The following KDM2B variants were observed in gnomAD, a reference collection of about 807,000 sequenced individuals.
KDM2B encodes lysine demethylase 2B.
KDM2B carries 26 observed loss-of-function variants against 150.0 expected under a neutral mutation model. The observed-to-expected ratio is 0.17, with a 90% CI of 0.13 to 0.24. The LOEUF is 0.24. Among genes scored for constraint, KDM2B ranks in the 10% least tolerant of loss-of-function variants. The pLI is 1.00. For synonymous variants in KDM2B, 734 were observed against 729.5 expected, an observed-to-expected ratio of 1.01 and a Z score of -0.10; for missense variants, 1,265 against 1,816.9, an observed-to-expected ratio of 0.70 and a Z score of 5.52.
chr12:121,568,746 G>T (rs902517948), intron 4 of KDM2B, among the ~76,000 whole-genome samples: 1 of 151,496 alleles, frequency 6.6e-6, no homozygotes, highest in Admixed American at 6.6e-5. Context: ...TGTTCAGTTT[G>T]TTAAAATTAA....
At chr12:121,576,335 G>T (rs1891489408) in intron 2 of KDM2B, among the ~76,000 whole-genome samples, 1 of 152,178 alleles carries the variant, frequency 6.6e-6, no homozygotes, top group Non-Finnish European at 1.5e-5. Flanking sequence ...CATTGTAGCT[G>T]AGCATCAGTG....
chr12:121,570,343 C>A (rs752410266), intron 4 of KDM2B, among the ~76,000 whole-genome samples: 1 of 152,080 alleles, frequency 6.6e-6, no homozygotes, highest in African/African-American at 2.4e-5. Flanking sequence ...TGAGCCACTG[C>A]GCCTGGCCAT....
intron 8 of KDM2B, among the ~76,000 whole-genome samples, chr12:121,522,528 A>G (rs1304206482): frequency 3.4e-5 from 5 of 147,834 alleles, no homozygotes; most frequent in Non-Finnish European, 1.5e-5. Context: ...AAAAAAAAAA[A>G]AAGTATATAC....
chr12:121,514,621 G>A (rs1885877733), intron 9 of KDM2B, among the ~76,000 whole-genome samples: 3 of 151,598 alleles, frequency 2.0e-5, no homozygotes, highest in South Asian at 2.1e-4. Context: ...CTGCGGGGAC[G>A]AGAAAGCCCT....
At chr12:121,553,133 G>C (rs1555312099) in intron 4 of KDM2B, among the ~76,000 whole-genome samples, 1 of 151,962 alleles carries the variant, frequency 6.6e-6, no homozygotes. Context: ...TTGGGAGGCT[G>C]AGTCAGGAGA....
Position 121,549,523 on chromosome 12 carries a change from G to A in KDM2B, c.513C>T (p.Tyr171=), listed in dbSNP as rs782559158. ...GGCTGAACTCTAGGCTGATGACGTT[G>A]TACAGCTTGTCCCGCTGGGCCTCGG... is the stretch of plus-strand genomic sequence containing the variant. ...ETPEAQRDKL[Y]NVISLEFSHT... Residue 171 remains tyrosine (Y), a synonymous_variant, in exon 5 of 23, where the codon TAC becomes TAT. Transcript: ENST00000377071. The surrounding 1 kb of genome is among the most constrained non-coding windows in gnomAD (Gnocchi z 4.4). 1 of 1,613,680 alleles carries A rather than the reference G, an allele frequency of 6.2e-7. No homozygotes were observed. Among genetic ancestry groups the A allele is most frequent in the South Asian group, 1.1e-5 (1 of 91,052 alleles).
chr12:121,481,195 TG>T, intron 12 of KDM2B, among the ~76,000 whole-genome samples: 1 of 152,196 alleles, frequency 6.6e-6, no homozygotes, highest in East Asian at 1.9e-4. Flanking sequence ...CCTCCCAAAT[TG>T]TTGGGTGGTG....
the KDM2B span, among the ~76,000 whole-genome samples, chr12:121,414,411 G>C: frequency 6.6e-6 from 1 of 151,314 alleles, no homozygotes; most frequent in African/African-American, 2.4e-5. Context: ...GTATACTTGG[G>C]ACAAGCATGG....
intron 6 of KDM2B, 33 bp downstream of exon 6, chr12:121,548,844 T>C: frequency 6.4e-7 from 1 of 1,564,706 alleles, no homozygotes; most frequent in Non-Finnish European, 8.8e-7. Flanking sequence ...GGGTCAACCC[T>C]GCCAGCTCTG....
chr12:121,509,208 G>A (rs1885362848), intron 11 of KDM2B, among the ~76,000 whole-genome samples: 3 of 151,838 alleles, frequency 2.0e-5, no homozygotes, highest in South Asian at 2.1e-4. Flanking sequence ...ACAGGCATAC[G>A]CCACCAGGCA....
intron 13 of KDM2B, among the ~76,000 whole-genome samples, chr12:121,448,509 T>TGA (rs1163468489): frequency 1.3e-5 from 2 of 151,778 alleles, no homozygotes; most frequent in Non-Finnish European, 2.9e-5. Context: ...CCACGAAGTG[T>TGA]GAGAACTTGA....
intron 12 of KDM2B, among the ~76,000 whole-genome samples, chr12:121,491,508 T>C (rs1416805967): frequency 2.0e-5 from 3 of 152,024 alleles, no homozygotes; most frequent in African/African-American, 7.2e-5. Flanking sequence ...AATATTTATT[T>C]ATGACCGGGC....
Position 121,513,335 on chromosome 12 carries a change from T to G in KDM2B, c.1115A>C (p.Tyr372Ser), listed in dbSNP as rs1885753545. Residue 372 changes from tyrosine to serine, a missense_variant, in exon 10 of 23, where the codon TAC (tyrosine) becomes TCC (serine). Tyr to Ser is a moderately radical substitution (Grantham distance 144). Around this residue, in one of 11 missense-constraint regions of KDM2B, gnomAD observed 214 missense variants for 447.4 expected, o/e 0.48. Coordinates refer to ENST00000377071, the MANE Select transcript of KDM2B (RefSeq NM_032590.5). The surrounding 1 kb of genome is among the most constrained non-coding windows in gnomAD (Gnocchi z 5.0). ...GAGGTGGGAGCGCTGGGTCACACAG[T>G]ACACGTATCTCTCCAGGACATACCA... is the stretch of plus-strand genomic sequence containing the variant. ...MCWYVLERYV[Y>S]CVTQRSHLTQ... The G allele has an allele frequency of 6.2e-7, 1 of 1,613,628 alleles. No homozygotes were observed. Among genetic ancestry groups the G allele is most frequent in the Admixed American group, 1.7e-5 (1 of 60,002 alleles).
chr12:121,495,150 C>G (rs1417173960), intron 11 of KDM2B, among the ~76,000 whole-genome samples: 1 of 151,708 alleles, frequency 6.6e-6, no homozygotes, highest in Non-Finnish European at 1.5e-5. Context: ...GTGCATGGCA[C>G]CCTCCCTGGC....
chr12:121,541,090 G>A (rs1349651772), intron 6 of KDM2B, among the ~76,000 whole-genome samples: 1 of 152,064 alleles, frequency 6.6e-6, no homozygotes, highest in East Asian at 1.9e-4. Flanking sequence ...AAATTAGCCA[G>A]CCGTGGTGGC....
At chr12:121,547,273 C>A (rs945368620) in intron 6 of KDM2B, among the ~76,000 whole-genome samples, 1 of 152,204 alleles carries the variant, frequency 6.6e-6, no homozygotes, top group Non-Finnish European at 1.5e-5. Flanking sequence ...CTCCCCACCT[C>A]GAGCCCAGTC....
the KDM2B span, among the ~76,000 whole-genome samples, chr12:121,419,121 G>A: frequency 3.5e-4 from 53 of 152,282 alleles, no homozygotes; most frequent in East Asian, 9.3e-3. Flanking sequence ...CCACATACAC[G>A]GCAGTGGTTC....
rs781953275 is a variant in KDM2B at position 121,520,945 on chromosome 12, G to C, written c.1047+40C>G. ...ACACCGAGCACCGGCAGAGCTCAGG[G>C]GCCAGGCGCGCACGCGAGGACAGAA... On this transcript the variant is annotated intron_variant, in intron 9 of 22. Coordinates refer to ENST00000377071, the MANE Select transcript of KDM2B (RefSeq NM_032590.5). This position sits in a 1 kb window ranked among gnomAD's most constrained non-coding sequence, Gnocchi z 4.5. 10 of 1,512,078 alleles carry C rather than the reference G, an allele frequency of 6.6e-6. No homozygotes were observed. Among genetic ancestry groups the C allele is most frequent in the Non-Finnish European group, 9.2e-6 (10 of 1,088,400 alleles). 93.7% of individuals were successfully genotyped at this position (1,512,078 alleles called of 1,614,324 possible). A position where few individuals can be genotyped will look rare whatever the true frequency, so the allele number is the denominator to read the frequency against.
At chr12:121,454,764 T>C (rs1555292415) in intron 12 of KDM2B, among the ~76,000 whole-genome samples, 1 of 152,162 alleles carries the variant, frequency 6.6e-6, no homozygotes. Flanking sequence ...TCCCACCCTC[T>C]TCATTTCAGT....
Sources: allele counts gnomAD v4.1 joint callset (sites outside exome capture counted in the v4.1 genomes callset), GRCh38; gene constraint gnomAD v4.1.1; regional missense constraint gnomAD v4.1.1; non-coding constraint Gnocchi (gnomAD v3.1); transcripts MANE v1.5; gene names NCBI Gene and HGNC (gene_info 2026-07-23, HGNC 2026-07-21).